SLC24A3: variants seen among roughly 807,000 people sequenced by gnomAD.
SLC24A3 encodes sodium/potassium/calcium exchanger 3.
In SLC24A3, 28 loss-of-function variants were observed where a neutral mutation model predicts 75.8. The observed-to-expected ratio is 0.37, with a 90% confidence interval of 0.27 to 0.51. The LOEUF (loss-of-function observed/expected upper bound fraction) is 0.51, where lower values mean the gene tolerates loss of function less well. SLC24A3 is among the 20% of genes least tolerant of loss of function. The pLI is 0.94. For synonymous variants in SLC24A3, 372 were observed against 334.1 expected (o/e 1.11, Z -1.24); for missense variants, 663 against 847.8 (o/e 0.78, Z 2.71).
chr20:19,348,761 G>C (rs377722281), intron 2 of SLC24A3, among the ~76,000 whole-genome samples: 61 of 152,270 alleles, frequency 4.0e-4, no homozygotes, highest in African/African-American at 1.4e-3. Context: ...AGGAGTGCAT[G>C]GAGTGCACAC....
chr20:19,622,788 C>T (rs985316356), intron 6 of SLC24A3, among the ~76,000 whole-genome samples: 2 of 152,180 alleles, frequency 1.3e-5, no homozygotes, highest in South Asian at 2.1e-4. Context: ...GCTGTCAGTT[C>T]TGCAGGCTAT....
chr20:19,527,826 T>C (rs933772383), intron 3 of SLC24A3, among the ~76,000 whole-genome samples: 9 of 152,216 alleles, frequency 5.9e-5, no homozygotes, highest in Middle Eastern at 3.2e-3. Context: ...TTTATTAAAT[T>C]AAATTATTTC....
chr20:19,304,889 C>T (rs1001591209), intron 2 of SLC24A3, among the ~76,000 whole-genome samples: 4 of 152,276 alleles, frequency 2.6e-5, no homozygotes, highest in South Asian at 2.1e-4. Flanking sequence ...AAAACTTGAA[C>T]GTGACTATTT....
intron 15 of SLC24A3, among the ~76,000 whole-genome samples, chr20:19,699,754 A>G (rs1329997335): frequency 1.3e-5 from 2 of 152,200 alleles, no homozygotes; most frequent in African/African-American, 2.4e-5. Context: ...TGAGTCACAC[A>G]GGAAGTGCTT....
At chr20:19,346,286 G>T (rs1371410480) in intron 2 of SLC24A3, among the ~76,000 whole-genome samples, 2 of 88,230 alleles carry the variant, frequency 2.3e-5, no homozygotes, top group Non-Finnish European at 2.2e-5. Flanking sequence ...ATATATATAT[G>T]GTATATATAT....
intron 3 of SLC24A3, among the ~76,000 whole-genome samples, chr20:19,537,932 A>T (rs1026478625): frequency 9.2e-5 from 14 of 151,592 alleles, no homozygotes; most frequent in Non-Finnish European, 1.8e-4. Flanking sequence ...ATGCTAAATG[A>T]CGAGTTAATG....
intron 2 of SLC24A3, among the ~76,000 whole-genome samples, chr20:19,458,504 C>T (rs1987617082): frequency 6.6e-6 from 1 of 152,178 alleles, no homozygotes; most frequent in Admixed American, 6.5e-5. Context: ...TGAAACTCAT[C>T]AAACAACATT....
At chr20:19,305,439 T>TC in intron 2 of SLC24A3, among the ~76,000 whole-genome samples, 1 of 152,102 alleles carries the variant, frequency 6.6e-6, no homozygotes, top group Middle Eastern at 3.4e-3. Flanking sequence ...GAGTGAATGC[T>TC]ACGCCCTGAC....
rs1398599669 is a variant in SLC24A3, at chr20:19,695,122, CTCTG to C, written c.1492-1670_1492-1667del. On this transcript the variant is annotated intron_variant, in intron 13 of 16. Coordinates refer to ENST00000328041, the MANE Select transcript of SLC24A3 (RefSeq NM_020689.4). ...GTACTGAACAGAAATGAGCTGCATT[CTCTG>C]TCTGAAAGGAGGCAAGGCAAGCATC... Among the ~76,000 whole-genome samples, 9 of 152,278 alleles carry C rather than the reference CTCTG, an allele frequency of 5.9e-5. No individual in the cohort carries two copies. In the East Asian group the frequency reaches 1.7e-3, roughly 29 times the overall value.
chr20:19,246,953 A>G (rs1221602433), intron 1 of SLC24A3, among the ~76,000 whole-genome samples: 3 of 152,244 alleles, frequency 2.0e-5, no homozygotes, highest in Non-Finnish European at 2.9e-5. Context: ...CTTTAAAATC[A>G]GGAACAGGCA....
At chr20:19,501,585 A>T (rs969879128) in intron 2 of SLC24A3, among the ~76,000 whole-genome samples, 2 of 152,248 alleles carry the variant, frequency 1.3e-5, no homozygotes, top group African/African-American at 4.8e-5. Flanking sequence ...TCTTGGCTGT[A>T]ACTGGTTTCC....
At chr20:19,548,024 A>C (rs1186564917) in intron 3 of SLC24A3, among the ~76,000 whole-genome samples, 1 of 152,192 alleles carries the variant, frequency 6.6e-6, no homozygotes, top group Non-Finnish European at 1.5e-5. Context: ...TTCTGACTAC[A>C]TTATTTTCTC....
At position 19,377,728 on chromosome 20, in the gene SLC24A3, A is replaced by C. The variant is rs138893864; in HGVS notation, c.271+96641A>C. Among the ~76,000 whole-genome samples the C allele has an allele frequency of 3.7e-3, 562 of 152,334 alleles. 4 individuals carry two copies. The highest frequency in any genetic ancestry group is 0.013 in the African/African-American group (535 of 41,574). On this transcript the variant is annotated intron_variant, in intron 2 of 16. Coordinates refer to ENST00000328041, the MANE Select transcript of SLC24A3 (RefSeq NM_020689.4). ...CATGGATTTTGAACCCTGGTCAGTC[A>C]GTTCATTTCAAAAGGTGATAAGGAT... is the stretch of plus-strand genomic sequence containing the variant.
At chr20:19,355,088 T>G (rs948634827) in intron 2 of SLC24A3, 1 of 152,164 alleles carries the variant, frequency 6.6e-6, no homozygotes, top group East Asian at 1.9e-4. Flanking sequence ...CCTTTCAGAC[T>G]TATCAGGACT....
chr20:19,319,442 C>G (rs1406557940), intron 2 of SLC24A3, among the ~76,000 whole-genome samples: 1 of 152,256 alleles, frequency 6.6e-6, no homozygotes, highest in African/African-American at 2.4e-5. Context: ...CCGCTGCTCA[C>G]TCTTCCTCAC....
chr20:19,613,391 G>A (rs563391389), intron 6 of SLC24A3, among the ~76,000 whole-genome samples: 2 of 152,238 alleles, frequency 1.3e-5, no homozygotes, highest in South Asian at 4.2e-4. Flanking sequence ...ATGGCTTATA[G>A]TTCAGGGATA....
At chr20:19,702,801 A>G (rs6081714) in intron 15 of SLC24A3, among the ~76,000 whole-genome samples, 6 of 151,936 alleles carry the variant, frequency 3.9e-5, no homozygotes, top group African/African-American at 1.4e-4. Context: ...TGGCACATAG[A>G]TATATAGTTG....
chr20:19,548,186 G>A (rs1392617045), intron 3 of SLC24A3, among the ~76,000 whole-genome samples: 2 of 152,190 alleles, frequency 1.3e-5, no homozygotes, highest in East Asian at 3.9e-4. Flanking sequence ...TCTGTCCTGA[G>A]TTGCTGGTGC....
intron 1 of SLC24A3, among the ~76,000 whole-genome samples, chr20:19,228,223 T>C (rs892910739): frequency 6.6e-6 from 1 of 152,150 alleles, no homozygotes; most frequent in Admixed American, 6.5e-5. Flanking sequence ...AGCTGAGGAG[T>C]TTTTTTACTG....
Sources: gnomAD v4.1 joint callset for allele counts (sites outside exome capture counted in the v4.1 genomes callset) on GRCh38, gnomAD v4.1.1 for gene constraint, MANE v1.5 for transcripts, NCBI Gene and HGNC (gene_info 2026-07-23, HGNC 2026-07-21) for gene names.